Variants in CC2D2B observed in about 807,000 individuals in gnomAD.
The protein encoded by CC2D2B is protein CC2D2B.
A neutral mutation model predicts 161.2 loss-of-function variants in CC2D2B; 128 were observed. The observed-to-expected ratio is 0.79, with a 90% CI of 0.69 to 0.92. The LOEUF (loss-of-function observed/expected upper bound fraction) is 0.92, where lower values mean the gene tolerates loss of function less well. Ranked by LOEUF, CC2D2B falls within the 40% of genes least tolerant of loss-of-function variation. CC2D2B has a pLI of 0.00. For missense variants in CC2D2B, 1,173 were observed against 1,375.1 expected (o/e 0.85, Z 2.32); for synonymous variants, 391 against 449.8 (o/e 0.87, Z 1.65).
At chr10:96,003,809 A>C (rs942723089) in intron 24 of CC2D2B, among the ~76,000 whole-genome samples, 2 of 152,204 alleles carry the variant, frequency 1.3e-5, no homozygotes, top group Non-Finnish European at 2.9e-5. Context: ...AGAGCATTTT[A>C]TCTCTATGTG....
intron 17 of CC2D2B, among the ~76,000 whole-genome samples, chr10:95,979,750 C>A (rs114116143): frequency 0.02 from 3,026 of 152,242 alleles, 44 homozygotes; most frequent in Middle Eastern, 0.054. Context: ...TAAAATTCAG[C>A]CAATTAAAAC....
At chr10:95,910,452 A>C (rs1275449764) in intron 1 of CC2D2B, among the ~76,000 whole-genome samples, 1 of 152,172 alleles carries the variant, frequency 6.6e-6, no homozygotes, top group African/African-American at 2.4e-5. Context: ...AAGAGAGGAA[A>C]TAAAGGAAGG....
intron 25 of CC2D2B, among the ~76,000 whole-genome samples, chr10:96,006,273 A>T (rs1051083728): frequency 4.7e-5 from 7 of 150,364 alleles, no homozygotes; most frequent in Non-Finnish European, 7.4e-5. Flanking sequence ...TTATCTCGGT[A>T]AACATCTTAG....
rs543414560 is a variant in CC2D2B at position 95,957,649 on chromosome 10, T to G, written c.1109+2158T>G. On this transcript the variant is annotated intron_variant, in intron 11 of 34. Transcript: ENST00000646931. Reference sequence around the variant, plus strand: ...AATCTCGGCTCACTGCGACCTTCACTTCCCAGGTTCAAGCAATTCTCCTGC... The same window carrying G: ...AATCTCGGCTCACTGCGACCTTCACGTCCCAGGTTCAAGCAATTCTCCTGC... Among the ~76,000 whole-genome samples the G allele has an allele frequency of 1.6e-3, 225 of 144,710 alleles. 1 individual carries two copies. Among genetic ancestry groups the G allele is most frequent in the Non-Finnish European group, 2.9e-3 (193 of 66,860 alleles). 94.9% of individuals were successfully genotyped at this position (144,710 alleles called of 152,430 possible).
At chr10:96,025,801 C>A (rs1364466223) in intron 33 of CC2D2B, among the ~76,000 whole-genome samples, 7 of 152,302 alleles carry the variant, frequency 4.6e-5, no homozygotes, top group Non-Finnish European at 7.4e-5. Context: ...CCTCCAGTGG[C>A]TCACACTCAC....
At chr10:95,938,469 G>A in intron 7 of CC2D2B, 100 bp from the exon 8 acceptor site, 1 of 612,898 alleles carries the variant, frequency 1.6e-6, no homozygotes, top group South Asian at 2.2e-5. Flanking sequence ...CTAGACTTCA[G>A]TAGTAGGGTG....
intron 16 of CC2D2B, among the ~76,000 whole-genome samples, chr10:95,973,234 G>A (rs188420218): frequency 1.3e-4 from 20 of 152,146 alleles, no homozygotes; most frequent in African/African-American, 3.6e-4. Flanking sequence ...ATGGAGACCC[G>A]GGACAAAAGA....
chr10:95,908,743 CAG>C lies in CC2D2B; in HGVS notation c.-24+690_-24+691del, dbSNP rs1379074131. 1.5e-4 allele frequency among the ~76,000 whole-genome samples: 19 copies of C among 126,836 alleles called. No homozygotes were observed. The South Asian group carries it at 2.1e-3, about 14-fold the overall frequency. The allele number at this position is 126,836 out of a possible 152,430, so 83.2% of individuals were successfully genotyped here. A position where few individuals can be genotyped will look rare whatever the true frequency, so the allele number is the denominator to read the frequency against. On this transcript the variant is annotated intron_variant, in intron 1 of 34. Coordinates refer to ENST00000646931, the MANE Select transcript of CC2D2B (RefSeq NM_001349008.3). The stretch of plus-strand genomic sequence containing the variant: ...CTAATTGAGGCTATAAGTATAGACA[CAG>C]AGATACATCTTCAGGTTTGAATAAA...
intron 32 of CC2D2B, among the ~76,000 whole-genome samples, chr10:96,024,036 C>T (rs966200554): frequency 6.6e-6 from 1 of 152,196 alleles, no homozygotes; most frequent in Non-Finnish European, 1.5e-5. Flanking sequence ...CTCAGGAATA[C>T]CCAAAGTAAA....
At chr10:95,958,184 C>T (rs554335306) in intron 11 of CC2D2B, among the ~76,000 whole-genome samples, 11 of 152,060 alleles carry the variant, frequency 7.2e-5, no homozygotes, top group Middle Eastern at 3.4e-3. Flanking sequence ...GAAAACCGTA[C>T]GTTAAACCAT....
At chr10:95,939,003 G>A in intron 9 of CC2D2B, 78 bp downstream of exon 9, 2 of 590,838 alleles carry the variant, frequency 3.4e-6, no homozygotes, top group Non-Finnish European at 3.0e-6. Context: ...TTGTGGTGTT[G>A]ATTTATCCTT....
chr10:95,954,468 A>G (rs1230792244), intron 10 of CC2D2B, among the ~76,000 whole-genome samples: 1 of 152,102 alleles, frequency 6.6e-6, no homozygotes, highest in African/African-American at 2.4e-5. Context: ...CTCATATGAC[A>G]TATTTGTCTA....
chr10:95,984,063 T>G (rs1442641663), intron 19 of CC2D2B, among the ~76,000 whole-genome samples: 1 of 152,190 alleles, frequency 6.6e-6, no homozygotes, highest in African/African-American at 2.4e-5. Flanking sequence ...TATTCTAAAT[T>G]TATGTAACTA....
At chr10:96,026,206 G>A (rs929530083) in intron 33 of CC2D2B, among the ~76,000 whole-genome samples, 2 of 152,124 alleles carry the variant, frequency 1.3e-5, no homozygotes, top group African/African-American at 4.8e-5. Context: ...AACATACACT[G>A]CAGTTAGAGA....
chr10:95,963,631 G>A (rs540511069), intron 12 of CC2D2B, among the ~76,000 whole-genome samples: 2 of 152,118 alleles, frequency 1.3e-5, no homozygotes, highest in African/African-American at 4.8e-5. Context: ...TGAATGGCAT[G>A]GTAGAGGAGG....
At chr10:95,947,020 C>G (rs1355557466) in intron 9 of CC2D2B, among the ~76,000 whole-genome samples, 1 of 143,508 alleles carries the variant, frequency 7.0e-6, no homozygotes, top group Non-Finnish European at 1.5e-5. Flanking sequence ...TTACTGAAAA[C>G]CAATGATATT....
rs745981263 is a variant in CC2D2B at position 96,018,182 on chromosome 10, TACTC to T, written c.3631-1019_3631-1016del. On this transcript the variant is annotated intron_variant, in intron 30 of 34. Transcript: ENST00000646931. ...TAGCATAATATCTGATGCACATAAA[TACTC>T]AATAAATTAAATAGTCTCATTATTA... Among the ~76,000 whole-genome samples, 50 of 152,324 alleles carry T rather than the reference TACTC, an allele frequency of 3.3e-4. 1 individual carries two copies. The highest frequency in any genetic ancestry group is 1.2e-3 in the African/African-American group (48 of 41,582).
In CC2D2B at chr10:95,938,197, T is replaced by G. The variant is rs756649743; in HGVS notation, c.535+8T>G. On this transcript the variant is annotated splice_region_variant and intron_variant, in intron 7 of 34. Transcript: ENST00000646931. Reference sequence around the variant, plus strand: ...TACCAAGTAGTTCTCCAGGTAACATTCTTTCCCAGTAAAATATTCAAGTCA... The same window carrying G: ...TACCAAGTAGTTCTCCAGGTAACATGCTTTCCCAGTAAAATATTCAAGTCA... The G allele has an allele frequency of 1.1e-5, 16 of 1,519,984 alleles. No homozygotes were observed. Among genetic ancestry groups the G allele is most frequent in the Non-Finnish European group, 1.4e-5 (16 of 1,120,106 alleles). The allele number at this position is 1,519,984 out of a possible 1,614,324, so 94.2% of individuals were successfully genotyped here.
intron 2 of CC2D2B, among the ~76,000 whole-genome samples, chr10:95,911,858 C>T (rs542257698): frequency 6.6e-6 from 1 of 152,246 alleles, no homozygotes; most frequent in East Asian, 1.9e-4. Flanking sequence ...AGAATTGTTC[C>T]ATCATACCTT....
Sources: allele counts gnomAD v4.1 joint callset (sites outside exome capture counted in the v4.1 genomes callset), GRCh38; gene constraint gnomAD v4.1.1; transcripts MANE v1.5; gene names NCBI Gene and HGNC (gene_info 2026-07-23, HGNC 2026-07-21).